The following MECOM variants were observed in gnomAD, a reference collection of about 807,000 sequenced individuals.
The protein encoded by MECOM is MDS1 and EVI1 complex locus.
A neutral mutation model predicts 116.3 loss-of-function variants in MECOM; 13 were observed. That is an observed-to-expected ratio of 0.11 (90% confidence interval 0.07 to 0.18). The LOEUF (loss-of-function observed/expected upper bound fraction) is 0.18, where lower values mean the gene tolerates loss of function less well. Among genes scored for constraint, MECOM ranks in the 10% least tolerant of loss-of-function variants. The pLI is 1.00. For missense variants in MECOM, 1,299 were observed against 1,509.0 expected, an observed-to-expected ratio of 0.86 and a Z score of 2.31; for synonymous variants, 528 against 535.2, an observed-to-expected ratio of 0.99 and a Z score of 0.19.
chr3:169,288,890 A>C (rs1014476734), intron 2 of MECOM, among the ~76,000 whole-genome samples: 2 of 152,238 alleles, frequency 1.3e-5, no homozygotes, highest in African/African-American at 4.8e-5. Context: ...TGAAGGAATA[A>C]ATCTGACAAT....
rs144704259 is a variant in MECOM at position 169,107,377 on chromosome 3, G to C, written c.2604+549C>G. Among the ~76,000 whole-genome samples the C allele has an allele frequency of 3.6e-3, 553 of 152,138 alleles. 2 individuals carry two copies. Among genetic ancestry groups the C allele is most frequent in the African/African-American group, 0.013 (525 of 41,524 alleles). On this transcript the variant is annotated intron_variant, in intron 10 of 16. Coordinates refer to ENST00000651503, the MANE Select transcript of MECOM (RefSeq NM_004991.4). ...TCTGGAAATAGTAACTGAAAGTCAA[G>C]GAAGTGAAACTAGATGCTAAAAGAT...
chr3:169,303,634 CA>C (rs1717168930), intron 2 of MECOM, among the ~76,000 whole-genome samples: 1 of 152,190 alleles, frequency 6.6e-6, no homozygotes, highest in South Asian at 2.1e-4. Context: ...CAACCAGAAG[CA>C]GCCCCAAAGT....
Position 169,102,183 on chromosome 3 carries a change from C to T in MECOM, c.2648G>A (p.Ser883Asn). 1 of 1,613,764 alleles carries T rather than the reference C, an allele frequency of 6.2e-7. No individual in the cohort carries two copies. The highest frequency in any genetic ancestry group is 1.7e-4 in the Middle Eastern group (1 of 6,058). Residue 883 changes from serine (S) to asparagine (N), a missense_variant, in exon 11 of 17, where the codon AGT becomes AAT. By Grantham distance (46) the Ser-to-Asn change is conservative. This residue lies in a region of MECOM where 340 missense variants were observed against 312.6 expected (regional missense o/e 1.09). Transcript: ENST00000651503. ...ENMAEKLESF[S>N]ALKPEASELL... is the part of the protein sequence containing the mutation. ...CTCACTGGCCTCAGGTTTCAGGGCA[C>T]TGAAGCTCTCTAGCTTTTCTGCCAT...
At chr3:169,316,368 C>T (rs1719747537) in intron 2 of MECOM, among the ~76,000 whole-genome samples, 1 of 152,186 alleles carries the variant, frequency 6.6e-6, no homozygotes, top group Non-Finnish European at 1.5e-5. Context: ...AGATACTAAA[C>T]AGTTTCATTA....
At chr3:169,573,727 C>T (rs1338202412) in intron 1 of MECOM, among the ~76,000 whole-genome samples, 5 of 152,086 alleles carry the variant, frequency 3.3e-5, no homozygotes, top group Admixed American at 3.3e-4. Flanking sequence ...CCCAAGGCAA[C>T]AGAATCTTTT....
At chr3:169,128,501 C>A (rs1308363376) in intron 4 of MECOM, among the ~76,000 whole-genome samples, 1 of 152,150 alleles carries the variant, frequency 6.6e-6, no homozygotes, top group Admixed American at 6.5e-5. Context: ...GAGTATAGAG[C>A]TATGTGGCTG....
At chr3:169,381,626 G>T in intron 1 of MECOM, 102 bp from the exon 2 acceptor site, 2 of 873,210 alleles carry the variant, frequency 2.3e-6, no homozygotes, top group Non-Finnish European at 3.4e-6. Context: ...GGATAAACAG[G>T]AAAGACCATT....
chr3:169,378,338 AAAGGAAGGAAAG>A (rs1731415793), intron 2 of MECOM, among the ~76,000 whole-genome samples: 1 of 148,670 alleles, frequency 6.7e-6, no homozygotes, highest in African/African-American at 2.5e-5. Context: ...AAAGAAAGAA[AAAGGAAGGAAAG>A]AAGGAAGGAA....
intron 2 of MECOM, among the ~76,000 whole-genome samples, chr3:169,235,252 T>C (rs1199614734): frequency 3.3e-5 from 5 of 152,162 alleles, no homozygotes; most frequent in Admixed American, 3.3e-4. Context: ...TAAAAGCAAA[T>C]TCTCTTTTGT....
rs1216296985 is a variant in MECOM, at chr3:169,611,191, T to C, written c.37+52145A>G. On this transcript the variant is annotated intron_variant, in intron 1 of 16. Transcript: ENST00000651503. The surrounding 1 kb of genome is among the most constrained non-coding windows in gnomAD (Gnocchi z 4.1). ...AAACCTTGCCCAAAGGATACCATTCTGTCTCTTGGGAAACTGCCTCTATGA... is the reference window on the plus strand; with the variant it reads ...AAACCTTGCCCAAAGGATACCATTCCGTCTCTTGGGAAACTGCCTCTATGA... Among the ~76,000 whole-genome samples, 1 of 152,248 alleles carries C rather than the reference T, an allele frequency of 6.6e-6. No individual in the cohort carries two copies. Among genetic ancestry groups the C allele is most frequent in the African/African-American group, 2.4e-5 (1 of 41,470 alleles).
intron 6 of MECOM, among the ~76,000 whole-genome samples, chr3:169,122,270 C>T (rs1160409510): frequency 2.6e-5 from 4 of 152,070 alleles, no homozygotes; most frequent in Admixed American, 6.5e-5. Context: ...TTTCATTCTC[C>T]GCAAGGCCAT....
chr3:169,559,827 C>A (rs1419118588), intron 1 of MECOM, among the ~76,000 whole-genome samples: 1 of 152,180 alleles, frequency 6.6e-6, no homozygotes, highest in Non-Finnish European at 1.5e-5. Flanking sequence ...ACCACACCAC[C>A]ACTTACAATA....
At chr3:169,342,371 A>C (rs1454005356) in intron 2 of MECOM, among the ~76,000 whole-genome samples, 1 of 152,066 alleles carries the variant, frequency 6.6e-6, no homozygotes, top group African/African-American at 2.4e-5. Context: ...AGTATTTTAC[A>C]AGCATATTAA....
intron 2 of MECOM, among the ~76,000 whole-genome samples, chr3:169,185,835 G>A (rs1746627184): frequency 6.6e-6 from 1 of 152,178 alleles, no homozygotes. Context: ...ATTCAACCGA[G>A]TCTTTTCTCT....
intron 3 of MECOM, among the ~76,000 whole-genome samples, chr3:169,142,726 A>G (rs1577144581): frequency 6.6e-6 from 1 of 151,978 alleles, no homozygotes; most frequent in East Asian, 1.9e-4. Context: ...GAATAATCTC[A>G]TAATAATGAA....
At chr3:169,097,759 G>T (rs1291214214) in intron 12 of MECOM, among the ~76,000 whole-genome samples, 11 of 138,354 alleles carry the variant, frequency 8.0e-5, no homozygotes, top group African/African-American at 2.7e-5. Context: ...TGGGAGAACT[G>T]CTTGAAGCCA....
intron 1 of MECOM, among the ~76,000 whole-genome samples, chr3:169,506,024 T>C (rs1032187298): frequency 6.6e-6 from 1 of 152,148 alleles, no homozygotes; most frequent in Non-Finnish European, 1.5e-5. Flanking sequence ...AAAAACCCAC[T>C]TGTCCATTAT....
At chr3:169,448,653 C>T (rs1272654595) in intron 1 of MECOM, among the ~76,000 whole-genome samples, 1 of 152,084 alleles carries the variant, frequency 6.6e-6, no homozygotes, top group Non-Finnish European at 1.5e-5. Context: ...AGTTTGCATC[C>T]TGATTTCCTT....
At chr3:169,377,495 T>C (rs1731242628) in intron 2 of MECOM, among the ~76,000 whole-genome samples, 1 of 152,034 alleles carries the variant, frequency 6.6e-6, no homozygotes, top group Non-Finnish European at 1.5e-5. Flanking sequence ...AACAACCCCA[T>C]CAAAAAGTGG....
Sources: gnomAD v4.1 joint callset for allele counts (sites outside exome capture counted in the v4.1 genomes callset) on GRCh38, gnomAD v4.1.1 for gene constraint, gnomAD v4.1.1 regional missense constraint, Gnocchi (gnomAD v3.1) non-coding constraint, MANE v1.5 for transcripts, NCBI Gene and HGNC (gene_info 2026-07-23, HGNC 2026-07-21) for gene names.